NFIB: variants seen among roughly 807,000 people sequenced by gnomAD.
NFIB encodes nuclear factor 1 B-type.
In NFIB, 11 loss-of-function variants were observed where a neutral mutation model predicts 61.5. The ratio of observed to expected loss-of-function variants is 0.18; its 90% CI spans 0.11 to 0.30. The LOEUF (loss-of-function observed/expected upper bound fraction) is 0.30, where lower values mean the gene tolerates loss of function less well. Ranked by LOEUF, NFIB falls within the 10% of genes least tolerant of loss-of-function variation. The probability of loss-of-function intolerance (pLI) is 1.00; values close to 1 mark genes in which losing one functional copy is unlikely to be tolerated. For synonymous variants in NFIB, 260 were observed against 216.5 expected (o/e 1.20, Z -1.76); for missense variants, 471 against 608.9 (o/e 0.77, Z 2.38).
At chr9:14,397,603 G>C (rs2061699705) in intron 1 of NFIB, among the ~76,000 whole-genome samples, 2 of 152,076 alleles carry the variant, frequency 1.3e-5, no homozygotes, top group African/African-American at 4.8e-5. Flanking sequence ...GTCATTTTAA[G>C]AAAACCATCA....
intron 1 of NFIB, among the ~76,000 whole-genome samples, chr9:14,335,927 CTTTT>C (rs1172892490): frequency 6.6e-6 from 1 of 152,156 alleles, no homozygotes; most frequent in African/African-American, 2.4e-5. Flanking sequence ...ATTGAAAAGA[CTTTT>C]TTCCCCCACT....
intron 1 of NFIB, among the ~76,000 whole-genome samples, chr9:14,366,192 A>G (rs1472302526): frequency 6.6e-6 from 1 of 152,182 alleles, no homozygotes; most frequent in Non-Finnish European, 1.5e-5. Flanking sequence ...GAATCTGGGC[A>G]TCGTCCCAGA....
upstream of NFIB, chr9:14,317,255 A>T (rs1463333805): frequency 2.0e-5 from 3 of 152,248 alleles, no homozygotes; most frequent in South Asian, 2.1e-4. Flanking sequence ...ACAAGCTTAA[A>T]AAAGAAAAAC....
At chr9:14,214,944 C>A (rs922040235) in intron 2 of NFIB, among the ~76,000 whole-genome samples, 1 of 152,166 alleles carries the variant, frequency 6.6e-6, no homozygotes, top group African/African-American at 2.4e-5. Context: ...TGCTTCCATG[C>A]CCATTAAGAA....
At chr9:14,377,950 C>T (rs1254928548) in intron 1 of NFIB, among the ~76,000 whole-genome samples, 6 of 152,166 alleles carry the variant, frequency 3.9e-5, no homozygotes, top group Non-Finnish European at 8.8e-5. Context: ...AAAGTGGTCC[C>T]AGTTTGGATG....
At chr9:14,202,329 G>A (rs991788046) in intron 2 of NFIB, among the ~76,000 whole-genome samples, 1 of 152,182 alleles carries the variant, frequency 6.6e-6, no homozygotes, top group Admixed American at 6.5e-5. Flanking sequence ...GAAATAATGA[G>A]ACTATAAAAT....
chr9:14,143,357 T>G (rs1007406726), intron 6 of NFIB, among the ~76,000 whole-genome samples: 1 of 152,174 alleles, frequency 6.6e-6, no homozygotes, highest in Admixed American at 6.6e-5. Flanking sequence ...GGTCATATTA[T>G]ATCCTTTATT....
the NFIB span, among the ~76,000 whole-genome samples, chr9:14,500,998 G>C: frequency 6.6e-5 from 10 of 152,200 alleles, no homozygotes; most frequent in African/African-American, 9.7e-5. Flanking sequence ...ATTGTATAAT[G>C]AATCTGTGGG....
intron 2 of NFIB, among the ~76,000 whole-genome samples, chr9:14,250,120 A>T (rs1429108958): frequency 6.6e-6 from 1 of 152,170 alleles, no homozygotes. Flanking sequence ...GAGCATCTGA[A>T]AGGTTATCAC....
At position 14,361,343 on chromosome 9, in the gene NFIB, A is replaced by G. The variant is rs1271461449; in HGVS notation, c.108+37181T>C. The G allele has an allele frequency of 2.0e-5, 3 of 152,258 alleles. No individual in the cohort carries two copies. The East Asian group carries it at 5.8e-4, about 29-fold the overall frequency. The allele number at this position is 152,258 out of a possible 1,614,324, so 9.4% of individuals were successfully genotyped here. A position where few individuals can be genotyped will look rare whatever the true frequency, so the allele number is the denominator to read the frequency against. Reference sequence around the variant, plus strand: ...TACTAATGCTGATGTCACTGGCATCAGTAAACTAACACCCACTTGTCTTGG... The same window carrying G: ...TACTAATGCTGATGTCACTGGCATCGGTAAACTAACACCCACTTGTCTTGG... On this transcript the variant is annotated intron_variant, in intron 1 of 8. Coordinates refer to the NFIB transcript ENST00000380934.
the NFIB span, among the ~76,000 whole-genome samples, chr9:14,472,368 C>A: frequency 6.6e-6 from 1 of 152,090 alleles, no homozygotes; most frequent in Non-Finnish European, 1.5e-5. Context: ...AATTTTTATT[C>A]CAGATCCACT....
rs188405208 is a variant in NFIB, at chr9:14,350,844, G to C, written c.109-43324C>G. Among the ~76,000 whole-genome samples, 58 of 152,216 alleles carry C rather than the reference G, an allele frequency of 3.8e-4. No homozygotes were observed. The East Asian group carries it at 0.011, about 28-fold the overall frequency. On this transcript the variant is annotated intron_variant, in intron 1 of 8. Transcript: ENST00000380934. ...CTGCTTCCAACAACCCCCTTACAAT[G>C]TCAGAAAATCTTCCTGCCTGCAAAT...
rs192366139 is a variant in NFIB, at chr9:14,150,609, C to T, written c.686-344G>A. Among the ~76,000 whole-genome samples, 402 of 152,154 alleles carry T rather than the reference C, an allele frequency of 2.6e-3. 4 individuals are homozygous for T. Among genetic ancestry groups the T allele is most frequent in the Non-Finnish European group, 4.3e-3 (293 of 67,990 alleles). On this transcript the variant is annotated intron_variant, in intron 4 of 10. Coordinates refer to ENST00000380953, the MANE Select transcript of NFIB (RefSeq NM_001190737.2). ...TTGGAGGAAACAGAATATACGAGTC[C>T]TATCACTCAGCAACACCAAACAAGC...
chr9:14,329,372 A>C (rs2060793806), intron 1 of NFIB, among the ~76,000 whole-genome samples: 1 of 152,084 alleles, frequency 6.6e-6, no homozygotes, highest in Non-Finnish European at 1.5e-5. Context: ...AAGCTCCTTT[A>C]TAGACTGAAA....
At chr9:14,148,474 T>A (rs2042526197) in intron 5 of NFIB, among the ~76,000 whole-genome samples, 1 of 152,160 alleles carries the variant, frequency 6.6e-6, no homozygotes, top group South Asian at 2.1e-4. Flanking sequence ...AAAACCTTTT[T>A]AAAAATCTTC....
chr9:14,175,251 G>A (rs1023519537), intron 3 of NFIB, among the ~76,000 whole-genome samples: 1 of 131,480 alleles, frequency 7.6e-6, no homozygotes, highest in Non-Finnish European at 1.6e-5. Flanking sequence ...TCGGCTAACT[G>A]CAAGCTCCGC....
chr9:14,199,897 G>A (rs1205724330), intron 2 of NFIB, among the ~76,000 whole-genome samples: 1 of 152,126 alleles, frequency 6.6e-6, no homozygotes, highest in Non-Finnish European at 1.5e-5. Flanking sequence ...ATTTGCTAAG[G>A]TATTTCTGTA....
At chr9:14,507,634 A>C in the NFIB span, among the ~76,000 whole-genome samples, 2 of 152,220 alleles carry the variant, frequency 1.3e-5, no homozygotes, top group Non-Finnish European at 2.9e-5. Context: ...CATTCTTGGT[A>C]ATGGGAAGAT....
the NFIB span, among the ~76,000 whole-genome samples, chr9:14,451,258 G>A: frequency 1.3e-5 from 2 of 152,306 alleles, no homozygotes; most frequent in South Asian, 4.1e-4. Flanking sequence ...TCAGCTGCAT[G>A]GTGGATAGGT....
Sources: gnomAD v4.1 joint callset for allele counts (sites outside exome capture counted in the v4.1 genomes callset) on GRCh38, gnomAD v4.1.1 for gene constraint, MANE v1.5 for transcripts, NCBI Gene and HGNC (gene_info 2026-07-23, HGNC 2026-07-21) for gene names.